NRXN1: variants seen among roughly 807,000 people sequenced by gnomAD.
NRXN1 encodes neurexin 1.
NRXN1 carries 39 observed loss-of-function variants against 150.9 expected under a neutral mutation model. The observed-to-expected ratio is 0.26, with a 90% CI of 0.20 to 0.34. NRXN1 has a LOEUF of 0.34. Ranked by LOEUF, NRXN1 falls within the 10% of genes least tolerant of loss-of-function variation. NRXN1 has a pLI of 1.00. For missense variants in NRXN1, 1,815 were observed against 1,949.9 expected, an observed-to-expected ratio of 0.93 and a Z score of 1.30; for synonymous variants, 924 against 757.0, an observed-to-expected ratio of 1.22 and a Z score of -3.62.
chr2:50,342,820 T>C (rs1431642404), intron 17 of NRXN1, among the ~76,000 whole-genome samples: 1 of 152,228 alleles, frequency 6.6e-6, no homozygotes, highest in East Asian at 1.9e-4. Context: ...CTATGGGCCA[T>C]AGGCCTTGAT....
intron 5 of NRXN1, among the ~76,000 whole-genome samples, chr2:50,751,831 C>T (rs570314908): frequency 6.6e-6 from 1 of 152,100 alleles, no homozygotes; most frequent in East Asian, 1.9e-4. Context: ...AAACTTTCCA[C>T]AGGTGTCACT....
At chr2:49,954,031 T>G (rs755332810) in intron 21 of NRXN1, among the ~76,000 whole-genome samples, 1 of 152,102 alleles carries the variant, frequency 6.6e-6, no homozygotes, top group South Asian at 2.1e-4. Flanking sequence ...AATAAAAAAA[T>G]TATTATTATA....
At chr2:50,673,249 G>A (rs2104742421) in intron 5 of NRXN1, among the ~76,000 whole-genome samples, 1 of 152,178 alleles carries the variant, frequency 6.6e-6, no homozygotes, top group South Asian at 2.1e-4. Flanking sequence ...AATTTATTAT[G>A]TGAGAAATTA....
intron 5 of NRXN1, among the ~76,000 whole-genome samples, chr2:50,844,869 T>C (rs1440998776): frequency 6.6e-6 from 1 of 152,112 alleles, no homozygotes; most frequent in Non-Finnish European, 1.5e-5. Context: ...ATTTTTTTTT[T>C]TTGAAGCAGA....
rs2092919389 is a variant in NRXN1 at position 50,525,297 on chromosome 2, G to T, written c.2374+3328C>A. ...GATTTCTTTGATGAGTTTTAAAATA[G>T]CCTACAATTTGTGTTCCTTCGTTAA... On this transcript the variant is annotated intron_variant, in intron 12 of 22. Coordinates refer to ENST00000401669, the MANE Select transcript of NRXN1 (RefSeq NM_001330078.2). Among the ~76,000 whole-genome samples the T allele has an allele frequency of 2.6e-5, 4 of 152,160 alleles. No homozygotes were observed. In the South Asian group the frequency reaches 8.3e-4, roughly 31 times the overall value.
At chr2:50,906,888 G>A (rs935458661) in intron 5 of NRXN1, among the ~76,000 whole-genome samples, 2 of 151,900 alleles carry the variant, frequency 1.3e-5, no homozygotes, top group Non-Finnish European at 2.9e-5. Flanking sequence ...CCCAAAGTAT[G>A]GCACCCTGGC....
At chr2:50,883,395 T>C (rs544903826) in intron 5 of NRXN1, among the ~76,000 whole-genome samples, 14 of 151,536 alleles carry the variant, frequency 9.2e-5, no homozygotes, top group African/African-American at 3.4e-4. Context: ...CATTTCAAAG[T>C]AGTTCACAAC....
intron 12 of NRXN1, among the ~76,000 whole-genome samples, chr2:50,519,681 C>T (rs1210935038): frequency 2.6e-5 from 4 of 151,966 alleles, no homozygotes; most frequent in South Asian, 2.1e-4. Context: ...CAGTCAAGGA[C>T]GATAACTTAT....
intron 21 of NRXN1, among the ~76,000 whole-genome samples, chr2:49,995,063 T>G (rs1682700084): frequency 6.6e-6 from 1 of 152,162 alleles, no homozygotes; most frequent in South Asian, 2.1e-4. Context: ...AAATAATCAT[T>G]CTCTCCAACC....
At chr2:50,926,185 T>C (rs1352525711) in intron 2 of NRXN1, among the ~76,000 whole-genome samples, 1 of 151,938 alleles carries the variant, frequency 6.6e-6, no homozygotes, top group Non-Finnish European at 1.5e-5. Context: ...CCATGCCCTG[T>C]GCAAAGAGTT....
At chr2:50,551,282 C>G (rs1365772586) in intron 9 of NRXN1, 2 of 152,164 alleles carry the variant, frequency 1.3e-5, no homozygotes, top group East Asian at 3.9e-4. Flanking sequence ...TTCCTTCTCT[C>G]CACACTCACT....
chr2:50,907,382 T>G (rs527965738), intron 5 of NRXN1, among the ~76,000 whole-genome samples: 1 of 152,190 alleles, frequency 6.6e-6, no homozygotes, highest in South Asian at 2.1e-4. Flanking sequence ...ACATGAAACT[T>G]TGATTAACTA....
chr2:50,034,191 A>C lies in NRXN1; in HGVS notation c.4128+19080T>G, dbSNP rs552293881. 3.3e-5 allele frequency among the ~76,000 whole-genome samples: 5 copies of C among 152,268 alleles called. No homozygotes were observed. In the South Asian group the frequency reaches 1.0e-3, roughly 32 times the overall value. ...CATTCTATTACAAAGACACATGCACACATATGTTCATTGCAGCACCATCCT... is the reference window on the plus strand; with the variant it reads ...CATTCTATTACAAAGACACATGCACCCATATGTTCATTGCAGCACCATCCT... On this transcript the variant is annotated intron_variant, in intron 21 of 22. Coordinates refer to ENST00000401669, the MANE Select transcript of NRXN1 (RefSeq NM_001330078.2).
intron 17 of NRXN1, among the ~76,000 whole-genome samples, chr2:50,252,456 G>A (rs1254067630): frequency 5.9e-5 from 9 of 151,410 alleles, no homozygotes; most frequent in Non-Finnish European, 1.0e-4. Flanking sequence ...ACAGGGTTTT[G>A]CCATGTTAGC....
In NRXN1 at chr2:50,267,610, C is replaced by T. The variant is rs1321190478; in HGVS notation, c.3365-30640G>A. 3.3e-5 allele frequency among the ~76,000 whole-genome samples: 5 copies of T among 152,102 alleles called. No individual in the cohort carries two copies. In the East Asian group the frequency reaches 5.8e-4, roughly 18 times the overall value. On this transcript the variant is annotated intron_variant, in intron 17 of 22. Coordinates refer to ENST00000401669, the MANE Select transcript of NRXN1 (RefSeq NM_001330078.2). ...TATTTAAATTACCACAACATTGTCA[C>T]GATCTGACATTCGATTTATAACAAC...
chr2:50,423,305 G>A (rs1252652729), intron 17 of NRXN1, among the ~76,000 whole-genome samples: 1 of 152,068 alleles, frequency 6.6e-6, no homozygotes, highest in African/African-American at 2.4e-5. Flanking sequence ...ATTTGTGATT[G>A]ATTGATTGGA....
chr2:50,364,701 A>T (rs2079465642), intron 17 of NRXN1, among the ~76,000 whole-genome samples: 1 of 152,116 alleles, frequency 6.6e-6, no homozygotes, highest in Non-Finnish European at 1.5e-5. Context: ...AAGAAAACAG[A>T]CATGGTAAAA....
intron 18 of NRXN1, among the ~76,000 whole-genome samples, chr2:50,219,969 A>ATAATATATAT: frequency 1.8e-5 from 1 of 54,370 alleles, no homozygotes; most frequent in South Asian, 3.9e-4. Flanking sequence ...TATATTATAT[A>ATAATATATAT]TATATAATAT....
intron 6 of NRXN1, among the ~76,000 whole-genome samples, 184 bp from the exon 7 acceptor site, chr2:50,621,433 C>T (rs545157864): frequency 2.6e-5 from 4 of 151,810 alleles, no homozygotes; most frequent in African/African-American, 9.7e-5. Context: ...AGAAAAAGGG[C>T]AAAAAAATTT....
Sources: allele counts gnomAD v4.1 joint callset (sites outside exome capture counted in the v4.1 genomes callset), GRCh38; gene constraint gnomAD v4.1.1; transcripts MANE v1.5; gene names NCBI Gene and HGNC (gene_info 2026-07-23, HGNC 2026-07-21).